Variants in NGF observed in about 807,000 individuals in gnomAD.
NGF encodes nerve growth factor.
Under a neutral mutation model 12.8 loss-of-function variants are expected in NGF, and 4 were observed. The ratio of observed to expected loss-of-function variants is 0.31; its 90% CI spans 0.15 to 0.72. The LOEUF is 0.72. NGF is among the 30% of genes least tolerant of loss of function. NGF has a pLI of 0.69. For synonymous variants in NGF, 140 were observed against 130.0 expected (o/e 1.08, Z -0.52); for missense variants, 283 against 330.8 (o/e 0.86, Z 1.12).
chr1:115,337,176 C>T lies in NGF; in HGVS notation c.-137+1028G>A, dbSNP rs181695481. Among the ~76,000 whole-genome samples the T allele has an allele frequency of 9.4e-5, 14 of 148,256 alleles. No individual in the cohort carries two copies. In the East Asian group the frequency reaches 2.8e-3, roughly 29 times the overall value. Reference sequence around the variant, plus strand: ...GAAAAACCAGCCTAGCAAGCAGGCTCTTTTTTAATCTCTCAAATCACAAGA... The same window carrying T: ...GAAAAACCAGCCTAGCAAGCAGGCTTTTTTTTAATCTCTCAAATCACAAGA... On this transcript the variant is annotated intron_variant, in intron 1 of 2. Transcript: ENST00000369512.
chr1:115,330,912 A>G (rs1654904908), intron 1 of NGF, among the ~76,000 whole-genome samples: 1 of 152,120 alleles, frequency 6.6e-6, no homozygotes, highest in Non-Finnish European at 1.5e-5. Context: ...GCTGTGGCCC[A>G]GGTCAGGCTT....
At chr1:115,337,910 CTT>C (rs1655182442) in intron 1 of NGF, among the ~76,000 whole-genome samples, 1 of 152,204 alleles carries the variant, frequency 6.6e-6, no homozygotes. Context: ...TGGCCGTGGG[CTT>C]CTGCAGGCGC....
intron 1 of NGF, among the ~76,000 whole-genome samples, chr1:115,327,310 A>G (rs866504512): frequency 6.6e-6 from 1 of 152,198 alleles, no homozygotes; most frequent in African/African-American, 2.4e-5. Flanking sequence ...GTGTTGCTTT[A>G]TGAAGCTCTC....
Position 115,290,796 on chromosome 1 carries a change from T to C in NGF, c.-13+2831A>G, listed in dbSNP as rs537913820. On this transcript the variant is annotated intron_variant, in intron 2 of 2. Coordinates refer to ENST00000369512, the MANE Select transcript of NGF (RefSeq NM_002506.3). ...ACTCCCTGTAGGCAGCAAAGTGTCCTACTCATCTTTGTTGCCCCCAGGTGA... is the reference window on the plus strand; with the variant it reads ...ACTCCCTGTAGGCAGCAAAGTGTCCCACTCATCTTTGTTGCCCCCAGGTGA... Among the ~76,000 whole-genome samples, 387 of 152,334 alleles carry C rather than the reference T, an allele frequency of 2.5e-3. 3 individuals are homozygous for C. Among genetic ancestry groups the C allele is most frequent in the African/African-American group, 8.7e-3 (362 of 41,574 alleles).
intron 1 of NGF, among the ~76,000 whole-genome samples, chr1:115,316,148 A>ATGTTTTT (rs1251322758): frequency 1.7e-4 from 26 of 152,288 alleles, no homozygotes; most frequent in African/African-American, 6.0e-4. Context: ...AGGGCCCTAG[A>ATGTTTTT]GTCTTGTCTT....
intron 1 of NGF, among the ~76,000 whole-genome samples, chr1:115,303,443 A>ACACCATCATCACCACTACTTTCTCCAT: frequency 6.6e-6 from 1 of 151,582 alleles, no homozygotes; most frequent in Admixed American, 6.6e-5. Context: ...ACCTCCTCCA[A>ACACCATCATCACCACTACTTTCTCCAT]CACCATCATC....
At chr1:115,332,881 T>C (rs1164475259) in intron 1 of NGF, among the ~76,000 whole-genome samples, 3 of 152,174 alleles carry the variant, frequency 2.0e-5, no homozygotes, top group African/African-American at 7.2e-5. Context: ...CCACTTGGCA[T>C]CACTCATACA....
At chr1:115,298,404 C>T (rs965499035) in intron 1 of NGF, among the ~76,000 whole-genome samples, 5 of 152,064 alleles carry the variant, frequency 3.3e-5, no homozygotes, top group African/African-American at 4.8e-5. Context: ...GGACAGACTC[C>T]GAGTAAGGAC....
At chr1:115,334,240 G>A (rs1372936971) in intron 1 of NGF, among the ~76,000 whole-genome samples, 3 of 152,102 alleles carry the variant, frequency 2.0e-5, no homozygotes, top group Non-Finnish European at 4.4e-5. Context: ...TGTATTAAGT[G>A]CGGTCAGTGT....
intron 1 of NGF, among the ~76,000 whole-genome samples, chr1:115,322,853 C>A (rs1168897996): frequency 6.6e-6 from 1 of 152,156 alleles, no homozygotes; most frequent in Non-Finnish European, 1.5e-5. Flanking sequence ...CCTGCCCTCT[C>A]ACTTTGCAAA....
intron 1 of NGF, among the ~76,000 whole-genome samples, chr1:115,308,750 G>A (rs892853694): frequency 6.6e-6 from 1 of 152,030 alleles, no homozygotes; most frequent in Non-Finnish European, 1.5e-5. Flanking sequence ...AAGAAGGGAG[G>A]AAAGAAGACA....
chr1:115,324,066 C>T (rs1654702425), intron 1 of NGF, among the ~76,000 whole-genome samples: 1 of 152,188 alleles, frequency 6.6e-6, no homozygotes, highest in African/African-American at 2.4e-5. Context: ...TGGACATCAA[C>T]ATCATTATTT....
At chr1:115,328,998 A>G (rs1397314110) in intron 1 of NGF, among the ~76,000 whole-genome samples, 1 of 152,150 alleles carries the variant, frequency 6.6e-6, no homozygotes, top group East Asian at 1.9e-4. Flanking sequence ...CATTGTCAAT[A>G]GTTCTGATGA....
At chr1:115,290,384 ATCTT>A (rs1653652055) in intron 2 of NGF, among the ~76,000 whole-genome samples, 9 of 118,376 alleles carry the variant, frequency 7.6e-5, no homozygotes, top group Non-Finnish European at 1.2e-4. Context: ...ACCTTCTCTC[ATCTT>A]TTTTTTTTTT....
At chr1:115,293,262 CAA>C (rs1358046771) in intron 2 of NGF, among the ~76,000 whole-genome samples, 1 of 152,122 alleles carries the variant, frequency 6.6e-6, no homozygotes, top group Non-Finnish European at 1.5e-5. Context: ...GTGAAGGGCA[CAA>C]AGAGTGGCTG....
At chr1:115,329,165 G>C (rs1425495801) in intron 1 of NGF, among the ~76,000 whole-genome samples, 1 of 151,768 alleles carries the variant, frequency 6.6e-6, no homozygotes, top group Non-Finnish European at 1.5e-5. Flanking sequence ...AGGAGGAATG[G>C]GCAAGGGGAA....
rs1557950797 is a variant in NGF at position 115,337,269 on chromosome 1, T to TTG, written c.-137+934_-137+935insCA. Among the ~76,000 whole-genome samples, 170 of 39,082 alleles carry TTG rather than the reference T, an allele frequency of 4.3e-3. 10 individuals carry two copies. Among genetic ancestry groups the TTG allele is most frequent in the African/African-American group, 9.8e-3 (100 of 10,206 alleles). The allele number at this position is 39,082 out of a possible 152,430, so 25.6% of individuals were successfully genotyped here. ...GAAATTTTTTTTGTTTTGTTTTTGT[T>TTG]TTTTTTTTTTTTTTTTTTTTTTTTT... On this transcript the variant is annotated intron_variant, in intron 1 of 2. Coordinates refer to ENST00000369512, the MANE Select transcript of NGF (RefSeq NM_002506.3).
intron 1 of NGF, among the ~76,000 whole-genome samples, chr1:115,337,431 C>T (rs1259790117): frequency 6.6e-6 from 1 of 151,842 alleles, no homozygotes; most frequent in Non-Finnish European, 1.5e-5. Context: ...AAGGCGCTCC[C>T]CGCCCTAACC....
At chr1:115,337,305 T>C (rs1655154967) in intron 1 of NGF, among the ~76,000 whole-genome samples, 2 of 117,106 alleles carry the variant, frequency 1.7e-5, no homozygotes, top group Non-Finnish European at 3.4e-5. Flanking sequence ...TTTTTTTTTT[T>C]AGAAGGAGGT....
Sources: gnomAD v4.1 joint callset for allele counts (sites outside exome capture counted in the v4.1 genomes callset) on GRCh38, gnomAD v4.1.1 for gene constraint, MANE v1.5 for transcripts, NCBI Gene and HGNC (gene_info 2026-07-23, HGNC 2026-07-21) for gene names.